Variants in ECT2L observed in about 807,000 individuals in gnomAD.
ECT2L encodes epithelial cell transforming 2 like.
In ECT2L, 126 loss-of-function variants were observed where a neutral mutation model predicts 122.8. That is an observed-to-expected ratio of 1.03 (90% confidence interval 0.89 to 1.19). The LOEUF (loss-of-function observed/expected upper bound fraction) is 1.19. Among genes scored for constraint, ECT2L ranks in the 50% most tolerant of loss-of-function variants. ECT2L has a pLI of 0.00. For synonymous variants in ECT2L, 385 were observed against 381.8 expected, an observed-to-expected ratio of 1.01 and a Z score of -0.10; for missense variants, 1,012 against 1,064.1, an observed-to-expected ratio of 0.95 and a Z score of 0.68.
intron 4 of ECT2L, among the ~76,000 whole-genome samples, chr6:138,836,585 G>T (rs1351209635): frequency 2.0e-5 from 3 of 152,044 alleles, no homozygotes; most frequent in South Asian, 4.1e-4. Context: ...ACTCATTGAT[G>T]ATTCTTACCT....
intron 4 of ECT2L, among the ~76,000 whole-genome samples, chr6:138,826,601 A>G (rs748523542): frequency 6.6e-6 from 1 of 152,084 alleles, no homozygotes; most frequent in Non-Finnish European, 1.5e-5. Flanking sequence ...CAGGAGGCAG[A>G]GATTGCAGTG....
At chr6:138,821,883 C>T (rs1445139815) in intron 4 of ECT2L, among the ~76,000 whole-genome samples, 1 of 152,236 alleles carries the variant, frequency 6.6e-6, no homozygotes, top group Non-Finnish European at 1.5e-5. Context: ...AGAGGCTCCA[C>T]TGCTGGGTTT....
At chr6:138,817,605 TC>T (rs749232887) in intron 4 of ECT2L, among the ~76,000 whole-genome samples, 7 of 152,214 alleles carry the variant, frequency 4.6e-5, no homozygotes, top group Middle Eastern at 3.2e-3. Flanking sequence ...AACACAATTT[TC>T]TTTTAAAAAA....
intron 1 of ECT2L, among the ~76,000 whole-genome samples, chr6:138,798,916 A>C (rs1775435927): frequency 6.6e-6 from 1 of 152,030 alleles, no homozygotes; most frequent in Non-Finnish European, 1.5e-5. Context: ...CTGAGTGTTC[A>C]AACTGTGTTC....
At chr6:138,830,731 T>C (rs1776622850) in intron 4 of ECT2L, among the ~76,000 whole-genome samples, 1 of 152,168 alleles carries the variant, frequency 6.6e-6, no homozygotes, top group Non-Finnish European at 1.5e-5. Flanking sequence ...CTCCTACCTC[T>C]CGGTCCTGTC....
At position 138,876,533 on chromosome 6, in the gene ECT2L, T is replaced by A; in HGVS notation, c.1640T>A (p.Leu547Ter). 1 of 1,612,534 alleles carries A rather than the reference T, an allele frequency of 6.2e-7. No individual in the cohort carries two copies. The change falls in exon 14 of 22, where the codon TTA becomes TAA. Residue 547 changes from leucine (L) to a stop codon, truncating the protein, a stop_gained. Transcript: ENST00000541398. LOFTEE classifies it high-confidence loss of function. ...AAGTCCAGGCTCAGCAAAAATGATT[T>A]AAATTTTGAAGCACTGATTAATCTG... ...DTKSRLSKND[L>*]NFEALINLER...
At chr6:138,869,477 C>A (rs1410277151) in intron 13 of ECT2L, among the ~76,000 whole-genome samples, 3 of 152,182 alleles carry the variant, frequency 2.0e-5, no homozygotes, top group Non-Finnish European at 4.4e-5. Flanking sequence ...GTGGGGGCTG[C>A]GAAGCTGCAT....
At chr6:138,810,014 G>A (rs529565479) in intron 1 of ECT2L, among the ~76,000 whole-genome samples, 33 of 152,264 alleles carry the variant, frequency 2.2e-4, no homozygotes, top group Non-Finnish European at 4.0e-4. Context: ...TAGATTAAAG[G>A]GCATATTATA....
intron 1 of ECT2L, among the ~76,000 whole-genome samples, chr6:138,800,982 A>C (rs896307639): frequency 6.6e-6 from 1 of 152,184 alleles, no homozygotes; most frequent in African/African-American, 2.4e-5. Flanking sequence ...ACATGGCAGA[A>C]GGTGGAAGGG....
chr6:138,882,741 TGA>T lies in ECT2L; in HGVS notation c.1903_1904del (p.Asp635GlnfsTer40). ...TACCACAGGCAGTTTCTAGATAACC[TGA>T]GAGACAGACTGCAGGAATGGGGCCC... On this transcript the variant is annotated frameshift_variant, in exon 16 of 22. Transcript: ENST00000541398. LOFTEE classifies it high-confidence loss of function. The T allele has an allele frequency of 2.5e-6, 4 of 1,614,124 alleles. No homozygotes were observed. Among genetic ancestry groups the T allele is most frequent in the Non-Finnish European group, 3.4e-6 (4 of 1,180,006 alleles).
intron 20 of ECT2L, among the ~76,000 whole-genome samples, chr6:138,899,293 A>T (rs957159949): frequency 1.3e-5 from 2 of 152,332 alleles, no homozygotes; most frequent in African/African-American, 2.4e-5. Context: ...CCACACCATG[A>T]AGTACTAGTC....
At chr6:138,888,315 TTC>T (rs1421800091) in intron 19 of ECT2L, among the ~76,000 whole-genome samples, 2 of 123,412 alleles carry the variant, frequency 1.6e-5, no homozygotes, top group African/African-American at 3.6e-5. Flanking sequence ...TCTTTTTCTT[TTC>T]TTTTTTTTTT....
intron 4 of ECT2L, among the ~76,000 whole-genome samples, chr6:138,821,596 C>T (rs542000055): frequency 3.9e-4 from 60 of 152,236 alleles, no homozygotes; most frequent in African/African-American, 1.3e-3. Flanking sequence ...TTGTGTGCAC[C>T]GCCAGATAGA....
At chr6:138,845,852 C>A (rs147293661) in intron 7 of ECT2L, among the ~76,000 whole-genome samples, 2,853 of 152,158 alleles carry the variant, frequency 0.019, 79 homozygotes, top group African/African-American at 0.065. Flanking sequence ...GGGAGGATCA[C>A]TTGAATTCAG....
chr6:138,891,620 G>A (rs986911699), intron 20 of ECT2L, among the ~76,000 whole-genome samples: 2 of 152,094 alleles, frequency 1.3e-5, no homozygotes, highest in African/African-American at 2.4e-5. Flanking sequence ...CCTAATTCAA[G>A]CTGTCCCATC....
chr6:138,884,389 G>T (rs555050197), intron 16 of ECT2L, among the ~76,000 whole-genome samples: 4 of 152,170 alleles, frequency 2.6e-5, no homozygotes, highest in African/African-American at 7.2e-5. Flanking sequence ...TGTAATCCCA[G>T]CACTTTGAGA....
intron 1 of ECT2L, among the ~76,000 whole-genome samples, chr6:138,804,582 A>AACACACACACACACACACAC (rs367560936): frequency 1.4e-5 from 2 of 146,476 alleles, no homozygotes; most frequent in African/African-American, 5.0e-5. Flanking sequence ...TGAAGTTTTA[A>AACACACACACACACACACAC]ACACACACAC....
chr6:138,824,581 C>CAAAAAACAAAAAACAAAA (rs1776377162), intron 4 of ECT2L, among the ~76,000 whole-genome samples: 1 of 116,752 alleles, frequency 8.6e-6, no homozygotes, highest in Non-Finnish European at 1.8e-5. Context: ...AAAACAAAAA[C>CAAAAAACAAAAAACAAAA]AAAAAAAACA....
At chr6:138,805,637 C>G (rs572694050) in intron 1 of ECT2L, among the ~76,000 whole-genome samples, 1 of 152,116 alleles carries the variant, frequency 6.6e-6, no homozygotes, top group Non-Finnish European at 1.5e-5. Flanking sequence ...ACTTCATTTG[C>G]ACATCTGGTG....
Sources: gnomAD v4.1 joint callset for allele counts (sites outside exome capture counted in the v4.1 genomes callset) on GRCh38, gnomAD v4.1.1 for gene constraint, MANE v1.5 for transcripts, NCBI Gene and HGNC (gene_info 2026-07-23, HGNC 2026-07-21) for gene names.